Variants in DMD observed in about 807,000 individuals in gnomAD.
DMD encodes the protein mutant dystrophin.
Under a neutral mutation model 330.1 loss-of-function variants are expected in DMD, and 63 were observed. That is an observed-to-expected ratio of 0.19 (90% CI 0.16 to 0.24). The LOEUF is 0.24. Ranked by LOEUF, DMD falls within the 10% of genes least tolerant of loss-of-function variation. The pLI is 1.00. For missense variants in DMD, 3,344 were observed against 2,684.1 expected, an observed-to-expected ratio of 1.25 and a Z score of -5.43; for synonymous variants, 1,223 against 959.8, an observed-to-expected ratio of 1.27 and a Z score of -5.07.
intron 61 of DMD, chrX:31,348,187 T>A (rs1277170017): frequency 1.9e-5 from 4 of 209,478 alleles, no homozygotes; most frequent in Non-Finnish European, 3.5e-5. Flanking sequence ...CTCAAAAGTA[T>A]GTTTTTGCTT....
chrX:31,726,677 G>A (rs1466406026), intron 52 of DMD, among the ~76,000 whole-genome samples: 1 of 111,934 alleles, frequency 8.9e-6, no homozygotes, highest in African/African-American at 3.2e-5. Flanking sequence ...CTGAAGTGTA[G>A]CAGGGCTGCA....
chrX:32,228,144 G>T (rs1482453849), intron 43 of DMD, among the ~76,000 whole-genome samples: 1 of 111,325 alleles, frequency 9.0e-6, no homozygotes, highest in African/African-American at 3.3e-5. Context: ...AATAGTTAGA[G>T]ATTCATTTCT....
At chrX:33,120,028 T>C (rs2095413489) in intron 1 of DMD, among the ~76,000 whole-genome samples, 1 of 111,615 alleles carries the variant, frequency 9.0e-6, no homozygotes, top group African/African-American at 3.3e-5. Context: ...AGTGAAGTCA[T>C]CCCGTGTGAG....
chrX:31,194,773 T>G (rs1358023964), intron 67 of DMD, among the ~76,000 whole-genome samples: 1 of 112,338 alleles, frequency 8.9e-6, no homozygotes, highest in Non-Finnish European at 1.9e-5. Context: ...GTGATTTTAG[T>G]AACTGTGAAA....
At chrX:31,725,704 G>A (rs1378169067) in intron 52 of DMD, among the ~76,000 whole-genome samples, 1 of 111,814 alleles carries the variant, frequency 8.9e-6, no homozygotes, top group East Asian at 2.8e-4. Context: ...TTAAAGTAAT[G>A]CATGCTATTG....
chrX:31,228,339 C>T (rs188036704), intron 63 of DMD, among the ~76,000 whole-genome samples: 2 of 109,885 alleles, frequency 1.8e-5, no homozygotes, highest in Non-Finnish European at 3.8e-5. Flanking sequence ...GCTACGGAAG[C>T]CATACAAATG....
intron 7 of DMD, among the ~76,000 whole-genome samples, chrX:32,706,237 G>A (rs1216427309): frequency 1.7e-5 from 1 of 57,556 alleles, no homozygotes; most frequent in Non-Finnish European, 3.1e-5. Context: ...GGGGTGGGGG[G>A]AGTGGGGAGG....
rs764999101 is a variant in DMD, at chrX:32,464,707, G to A, written c.3163-8C>T. On this transcript the variant is annotated splice_polypyrimidine_tract_variant and splice_region_variant and intron_variant, in intron 23 of 78. Coordinates refer to ENST00000357033, the MANE Select transcript of DMD (RefSeq NM_004006.3). Reference sequence around the variant, plus strand: ...CAGGGTTTGTATGTGATTCTGAAACGAGACCCGTTATAAGGCATTACTGGT... The same window carrying A: ...CAGGGTTTGTATGTGATTCTGAAACAAGACCCGTTATAAGGCATTACTGGT... 4.4e-6 allele frequency: 5 copies of A among 1,136,100 alleles called. No individual in the cohort carries two copies. Among genetic ancestry groups the A allele is most frequent in the Non-Finnish European group, 6.0e-6 (5 of 826,996 alleles). The allele number at this position is 1,136,100 out of a possible 1,213,427, so 93.6% of individuals were successfully genotyped here.
At chrX:32,810,455 C>T (rs1203222522) in intron 6 of DMD, among the ~76,000 whole-genome samples, 1 of 111,453 alleles carries the variant, frequency 9.0e-6, no homozygotes, top group Non-Finnish European at 1.9e-5. Context: ...CATCATACTC[C>T]CCCAAACCTA....
chrX:31,730,927 T>G (rs902690168), intron 51 of DMD, among the ~76,000 whole-genome samples: 12 of 111,743 alleles, frequency 1.1e-4, no homozygotes, highest in African/African-American at 3.9e-4. Flanking sequence ...CTCTGTACTT[T>G]GACTCCTGCT....
intron 2 of DMD, among the ~76,000 whole-genome samples, chrX:32,996,701 CA>C (rs2093129808): frequency 9.1e-6 from 1 of 110,470 alleles, no homozygotes; most frequent in Admixed American, 9.6e-5. Flanking sequence ...CCTGTAGTCC[CA>C]GCTACCTGGG....
chrX:32,095,539 G>A (rs1253571651), intron 44 of DMD, among the ~76,000 whole-genome samples: 1 of 111,723 alleles, frequency 9.0e-6, no homozygotes, highest in East Asian at 2.8e-4. Context: ...AAATGTAGGT[G>A]CTTAGTAAAT....
intron 70 of DMD, 89 bp downstream of exon 70, chrX:31,178,576 CTGTT>C (rs2040807046): frequency 1.8e-6 from 2 of 1,099,363 alleles, no homozygotes; most frequent in African/African-American, 1.8e-5. Flanking sequence ...ATAGAAGAGA[CTGTT>C]TGCATTTGGG....
chrX:31,498,379 AT>A (rs1266271026), intron 56 of DMD, among the ~76,000 whole-genome samples: 1 of 111,896 alleles, frequency 8.9e-6, no homozygotes, highest in African/African-American at 3.2e-5. Flanking sequence ...TTATATATGA[AT>A]TTAATTAAAT....
At chrX:31,721,718 C>CTATATA (rs1226368643) in intron 52 of DMD, among the ~76,000 whole-genome samples, 47 of 56,473 alleles carry the variant, frequency 8.3e-4, no homozygotes, top group East Asian at 3.7e-3. Context: ...CTCTCTCTCT[C>CTATATA]TATATATATA....
At position 32,837,447 on chromosome X, in the gene DMD, G is replaced by A. The variant is rs756794728; in HGVS notation, c.264+7336C>T. Among the ~76,000 whole-genome samples, 22 of 111,424 alleles carry A rather than the reference G, an allele frequency of 2.0e-4. No homozygotes were observed. The South Asian group carries it at 8.4e-3, about 43-fold the overall frequency. On this transcript the variant is annotated intron_variant, in intron 4 of 78. Coordinates refer to ENST00000357033, the MANE Select transcript of DMD (RefSeq NM_004006.3). ...TAGATACCTAGGGGCTCAGTTCACA[G>A]TTGTGTCCAGTGGCGCTCTCCCAAC... is the stretch of plus-strand genomic sequence containing the variant.
intron 44 of DMD, among the ~76,000 whole-genome samples, chrX:32,093,487 C>T (rs1181733854): frequency 8.9e-6 from 1 of 111,812 alleles, no homozygotes; most frequent in African/African-American, 3.2e-5. Context: ...TTTTAAACAC[C>T]TTTGGAAGAT....
chrX:32,809,507 A>T lies in DMD; in HGVS notation c.635T>A (p.Leu212Gln). 8.3e-7 allele frequency: 1 copy of T among 1,209,606 alleles called. No individual in the cohort carries two copies. The highest frequency in any genetic ancestry group is 1.1e-6 in the Non-Finnish European group (1 of 893,652). Residue 212 changes from leucine (L) to glutamine (Q), a missense_variant, in exon 7 of 79, where the codon CTA becomes CAA. Coordinates refer to ENST00000357033, the MANE Select transcript of DMD (RefSeq NM_004006.3). Reference protein sequence around the residue: ...IARYQLGIEKLLDPEDVDTTY... With the variant: ...IARYQLGIEKQLDPEDVDTTY... ...AATTTACCAACCTTCAGGATCGAGT[A>T]GTTTCTCTATGCCTAATTGATATCT...
At chrX:31,931,149 A>AGGAT (rs200509941) in intron 46 of DMD, among the ~76,000 whole-genome samples, 2,056 of 111,736 alleles carry the variant, frequency 0.018, 25 homozygotes, top group Middle Eastern at 0.033. Flanking sequence ...GTGTAAAATG[A>AGGAT]GGATAATAGC....
Sources: gnomAD v4.1 joint callset for allele counts (sites outside exome capture counted in the v4.1 genomes callset) on GRCh38, gnomAD v4.1.1 for gene constraint, MANE v1.5 for transcripts, NCBI Gene and HGNC (gene_info 2026-07-23, HGNC 2026-07-21) for gene names.